ELL2: variants seen among roughly 807,000 people sequenced by gnomAD.
ELL2 encodes the protein RNA polymerase II elongation factor ELL2.
Under a neutral mutation model 72.8 loss-of-function variants are expected in ELL2, and 21 were observed. The observed-to-expected ratio is 0.29, with a 90% confidence interval of 0.20 to 0.42. ELL2 has a LOEUF of 0.42. Ranked by LOEUF, ELL2 falls within the 10% of genes least tolerant of loss-of-function variation. The pLI is 1.00. For missense variants in ELL2, 568 were observed against 772.8 expected (o/e 0.73, Z 3.14); for synonymous variants, 266 against 283.2 (o/e 0.94, Z 0.61).
chr5:95,941,334 G>T (rs1456687822), intron 2 of ELL2, among the ~76,000 whole-genome samples: 1 of 152,282 alleles, frequency 6.6e-6, no homozygotes, highest in Non-Finnish European at 1.5e-5. Context: ...TGGACACATG[G>T]AACAGGAAAG....
chr5:95,961,486 G>T, intron 1 of ELL2, 89 bp downstream of exon 1: 1 of 1,340,162 alleles, frequency 7.5e-7, no homozygotes, highest in South Asian at 2.0e-5. Flanking sequence ...TGCCAGCCAC[G>T]GCTCCGCCGG....
At chr5:95,946,682 A>G (rs1414886654) in intron 1 of ELL2, among the ~76,000 whole-genome samples, 2 of 152,214 alleles carry the variant, frequency 1.3e-5, no homozygotes, top group Non-Finnish European at 2.9e-5. Flanking sequence ...TGGCTCAGCT[A>G]TGTTAACCTT....
At chr5:95,961,544 C>CT (rs766570425) in intron 1 of ELL2, 31 bp downstream of exon 1, 3 of 1,547,476 alleles carry the variant, frequency 1.9e-6, no homozygotes, top group East Asian at 5.1e-5. Flanking sequence ...CTCTGCCTCT[C>CT]TGAGCCCAGC....
chr5:95,940,294 A>C (rs1041947422), intron 2 of ELL2, among the ~76,000 whole-genome samples: 1 of 152,246 alleles, frequency 6.6e-6, no homozygotes, highest in Non-Finnish European at 1.5e-5. Flanking sequence ...TCTACTCTTT[A>C]GCAGCATATT....
At chr5:95,930,559 T>C (rs1369982379) in intron 2 of ELL2, among the ~76,000 whole-genome samples, 2 of 152,270 alleles carry the variant, frequency 1.3e-5, no homozygotes, top group Non-Finnish European at 2.9e-5. Flanking sequence ...ATTTAACTCT[T>C]AATTCTCTGC....
At chr5:95,889,248 G>T in intron 10 of ELL2, 118 bp from the exon 11 acceptor site, 1 of 834,130 alleles carries the variant, frequency 1.2e-6, no homozygotes, top group Non-Finnish European at 1.9e-6. Context: ...AATGTAACTT[G>T]AAACAATCTT....
In ELL2 at chr5:95,886,216, T is replaced by G. The variant is rs1748459572; in HGVS notation, c.*2655A>C. Reference sequence around the variant, plus strand: ...AATCATTTGTAAGAATCTAAAAGTCTTGCAGTAGGGGACGAAAAATGATTA... The same window carrying G: ...AATCATTTGTAAGAATCTAAAAGTCGTGCAGTAGGGGACGAAAAATGATTA... On this transcript the variant is annotated 3_prime_UTR_variant, in exon 12 of 12. Transcript: ENST00000237853. 1 of 152,214 alleles carries G rather than the reference T, an allele frequency of 6.6e-6. No homozygotes were observed. The highest frequency in any genetic ancestry group is 2.4e-5 in the African/African-American group (1 of 41,468). 9.4% of individuals were successfully genotyped at this position (152,214 alleles called of 1,614,324 possible). A position where few individuals can be genotyped will look rare whatever the true frequency, so the allele number is the denominator to read the frequency against.
intron 1 of ELL2, among the ~76,000 whole-genome samples, chr5:95,957,018 ATAGAGCAGGAG>A (rs1180816936): frequency 6.6e-6 from 1 of 152,212 alleles, no homozygotes; most frequent in Non-Finnish European, 1.5e-5. Flanking sequence ...ATCTTCAGGG[ATAGAGCAGGAG>A]TAGCCCCTGC....
chr5:95,907,296 A>ATATATATATTTTTTTTTTTTTTT, intron 4 of ELL2, among the ~76,000 whole-genome samples: 1 of 116,518 alleles, frequency 8.6e-6, no homozygotes, highest in East Asian at 2.6e-4. Flanking sequence ...ATATATATAT[A>ATATATATATTTTTTTTTTTTTTT]TTTTTTTTTT....
intron 2 of ELL2, among the ~76,000 whole-genome samples, chr5:95,922,426 G>C (rs192095035): frequency 2.0e-5 from 3 of 152,302 alleles, no homozygotes; most frequent in Admixed American, 2.0e-4. Flanking sequence ...AGAGTGATTA[G>C]AGTCTGTACT....
intron 1 of ELL2, among the ~76,000 whole-genome samples, chr5:95,949,775 G>A (rs1751307129): frequency 6.6e-6 from 1 of 151,920 alleles, no homozygotes; most frequent in African/African-American, 2.4e-5. Flanking sequence ...TTCTATAAGT[G>A]GTGATGGTTC....
chr5:95,950,906 A>ATATATATATATGTG (rs1751357558), intron 1 of ELL2, among the ~76,000 whole-genome samples: 1 of 11,188 alleles, frequency 8.9e-5, no homozygotes, highest in Non-Finnish European at 2.1e-4. Context: ...ATGTATGTGT[A>ATATATATATATGTG]TATATATATA....
chr5:95,957,873 C>G (rs1751677437), intron 1 of ELL2, among the ~76,000 whole-genome samples: 1 of 152,208 alleles, frequency 6.6e-6, no homozygotes, highest in African/African-American at 2.4e-5. Flanking sequence ...GTTCTCTGTT[C>G]TGCCTAAATC....
At position 95,906,560 on chromosome 5, in the gene ELL2, T is replaced by G. The variant is rs773358086; in HGVS notation, c.704A>C (p.Gln235Pro). 64 of 1,613,802 alleles carry G rather than the reference T, an allele frequency of 4.0e-5. No homozygotes were observed. The Middle Eastern group carries it at 2.8e-3, about 71-fold the overall frequency. Residue 235 changes from glutamine (Q) to proline (P), a missense_variant, in exon 5 of 12, where the codon CAA becomes CCA. Gln to Pro is a moderately conservative substitution (Grantham distance 76). Coordinates refer to ENST00000237853, the MANE Select transcript of ELL2 (RefSeq NM_012081.6). ...TGCTCCCAGGGAGTTCTTGTCTTTT[T>G]GATTGACACCATCTTTCTGGAGTCT... ...LARLQKDGVNQKDKNSLGAIL... is the reference protein window; with the variant it reads ...LARLQKDGVNPKDKNSLGAIL...
At chr5:95,890,048 G>A (rs1748601783) in intron 10 of ELL2, among the ~76,000 whole-genome samples, 1 of 152,102 alleles carries the variant, frequency 6.6e-6, no homozygotes, top group Middle Eastern at 3.2e-3. Flanking sequence ...GAGGCATTAA[G>A]TAACTTGCCC....
At chr5:95,916,559 A>T (rs1452048291) in intron 3 of ELL2, among the ~76,000 whole-genome samples, 1 of 152,122 alleles carries the variant, frequency 6.6e-6, no homozygotes, top group Admixed American at 6.5e-5. Flanking sequence ...CCAGAATAAT[A>T]AGGAACCAAT....
Position 95,906,530 on chromosome 5 carries a change from A to T in ELL2, c.734T>A (p.Leu245Gln). ...QKDKNSLGAI[L>Q]QQVANLNSKD... ...CTCTCCAGCTGTCCTCACCTGTTGC[A>T]GAATTGCTCCCAGGGAGTTCTTGTC... is the stretch of plus-strand genomic sequence containing the variant. Residue 245 changes from leucine to glutamine, a missense_variant, in exon 5 of 12, where the codon CTG (leucine) becomes CAG (glutamine). Leu to Gln is a moderately radical substitution (Grantham distance 113, BLOSUM62 -2). Around this residue, in one of 2 missense-constraint regions of ELL2, gnomAD observed 511 missense variants for 728.4 expected, o/e 0.70. Transcript: ENST00000237853. 1 of 1,610,164 alleles carries T rather than the reference A, an allele frequency of 6.2e-7. No individual in the cohort carries two copies. Among genetic ancestry groups the T allele is most frequent in the Non-Finnish European group, 8.5e-7 (1 of 1,176,864 alleles).
Position 95,951,380 on chromosome 5 carries a change from A to AAAAT in ELL2, c.148-8335_148-8332dup, listed in dbSNP as rs566594776. ...CGAGACTCCGTCTCAAAAATAAAAT[A>AAAAT]AAATAAATAAATAAATAAATAAATA... On this transcript the variant is annotated intron_variant, in intron 1 of 11. Coordinates refer to ENST00000237853, the MANE Select transcript of ELL2 (RefSeq NM_012081.6). Among the ~76,000 whole-genome samples the AAAAT allele has an allele frequency of 6.0e-3, 908 of 151,426 alleles. 11 individuals carry two copies. The highest frequency in any genetic ancestry group is 0.019 in the African/African-American group (785 of 41,264).
intron 2 of ELL2, among the ~76,000 whole-genome samples, chr5:95,935,422 C>T (rs1452901778): frequency 6.6e-6 from 1 of 152,100 alleles, no homozygotes; most frequent in Non-Finnish European, 1.5e-5. Flanking sequence ...AATAGTCATG[C>T]TTTCAGTATT....
Sources: allele counts gnomAD v4.1 joint callset (sites outside exome capture counted in the v4.1 genomes callset), GRCh38; gene constraint gnomAD v4.1.1; regional missense constraint gnomAD v4.1.1; transcripts MANE v1.5; gene names NCBI Gene and HGNC (gene_info 2026-07-23, HGNC 2026-07-21).